The following VCAN variants were observed in gnomAD, a reference collection of about 807,000 sequenced individuals.
The protein encoded by VCAN is versican, also known as versican core protein.
VCAN carries 44 observed loss-of-function variants against 245.5 expected under a neutral mutation model. The observed-to-expected ratio is 0.18, with a 90% CI of 0.14 to 0.23. The LOEUF is 0.23. Ranked by LOEUF, VCAN falls within the 10% of genes least tolerant of loss-of-function variation. VCAN has a pLI of 1.00. For missense variants in VCAN, 3,793 were observed against 4,057.9 expected, an observed-to-expected ratio of 0.93 and a Z score of 1.77; for synonymous variants, 1,413 against 1,437.0, an observed-to-expected ratio of 0.98 and a Z score of 0.38.
intron 12 of VCAN, among the ~76,000 whole-genome samples, chr5:83,562,468 C>A (rs1747902765): frequency 2.0e-5 from 3 of 151,982 alleles, no homozygotes. Flanking sequence ...GCTGGAAGAA[C>A]CATATTTACT....
At chr5:83,532,746 T>C (rs1023102626) in intron 7 of VCAN, among the ~76,000 whole-genome samples, 1 of 152,198 alleles carries the variant, frequency 6.6e-6, no homozygotes, top group South Asian at 2.1e-4. Flanking sequence ...TTGCAAGTTG[T>C]CGCGAACTTA....
At chr5:83,476,795 G>T (rs1744409422) in intron 1 of VCAN, among the ~76,000 whole-genome samples, 1 of 152,024 alleles carries the variant, frequency 6.6e-6, no homozygotes, top group Non-Finnish European at 1.5e-5. Flanking sequence ...GAGAATCTTT[G>T]TTTAATGTGT....
rs150735474 is a variant in VCAN at position 83,519,764 on chromosome 5, G to T, written c.1458G>T (p.Ser486=). The change falls in exon 7 of 15, where the codon TCG becomes TCT. Residue 486 remains serine, a synonymous_variant. Coordinates refer to ENST00000265077, the MANE Select transcript of VCAN (RefSeq NM_004385.5). ...GVVEDKQTQE[S]VTQIEQIEVG... ...TGGAAGATAAACAAACACAAGAATC[G>T]GTTACACAGATTGAACAAATAGAAG... is the stretch of plus-strand genomic sequence containing the variant. The T allele has an allele frequency of 9.3e-6, 15 of 1,613,942 alleles. No homozygotes were observed. The highest frequency in any genetic ancestry group is 1.7e-5 in the Admixed American group (1 of 59,990).
At position 83,539,976 on chromosome 5, in the gene VCAN, G is replaced by C. The variant is rs1746901950; in HGVS notation, c.6973G>C (p.Gly2325Arg). 6.2e-7 allele frequency: 1 copy of C among 1,613,956 alleles called. No individual in the cohort carries two copies. Among genetic ancestry groups the C allele is most frequent in the Non-Finnish European group, 8.5e-7 (1 of 1,179,994 alleles). Residue 2325 changes from glycine (G) to arginine (R), a missense_variant, in exon 8 of 15, where the codon GGG becomes CGG. Physicochemically the swap from Gly to Arg is moderately radical, Grantham distance 125. Around this residue, in one of 5 missense-constraint regions of VCAN, gnomAD observed 3,182 missense variants for 3,250.3 expected, o/e 0.98. Coordinates refer to ENST00000265077, the MANE Select transcript of VCAN (RefSeq NM_004385.5). ...TCAAACAGACATCTTTGAAGGTAGTGGGTCAGTAACCAGCACAACATTAAT... is the reference window on the plus strand; with the variant it reads ...TCAAACAGACATCTTTGAAGGTAGTCGGTCAGTAACCAGCACAACATTAAT... ...VSQTDIFEGS[G>R]SVTSTTLIEI...
At chr5:83,519,247 A>G in intron 6 of VCAN, 102 bp from the exon 7 acceptor site, 2 of 1,271,634 alleles carry the variant, frequency 1.6e-6, no homozygotes, top group Non-Finnish European at 2.2e-6. Context: ...GGGCCACCCA[A>G]AAATACTCCC....
chr5:83,559,475 CT>C (rs1476195550), intron 12 of VCAN, among the ~76,000 whole-genome samples: 8 of 152,154 alleles, frequency 5.3e-5, no homozygotes, highest in Non-Finnish European at 1.0e-4. Flanking sequence ...CTCTCAGCTC[CT>C]GGAATAAGCC....
chr5:83,538,024 G>A lies in VCAN; in HGVS notation c.5021G>A (p.Ser1674Asn). The change falls in exon 8 of 15, where the codon AGC becomes AAC. Residue 1674 changes from serine (S) to asparagine (N), a missense_variant. Physicochemically the swap from Ser to Asn is conservative, Grantham distance 46. Coordinates refer to ENST00000265077, the MANE Select transcript of VCAN (RefSeq NM_004385.5). ...GATACACTCATTACTTTAGACACTAGCAGGATAATCACAGAAAGCTTTTTT... is the reference window on the plus strand; with the variant it reads ...GATACACTCATTACTTTAGACACTAACAGGATAATCACAGAAAGCTTTTTT... ...TTDTLITLDT[S>N]RIITESFFEV... 2 of 1,614,040 alleles carry A rather than the reference G, an allele frequency of 1.2e-6. No individual in the cohort carries two copies. The highest frequency in any genetic ancestry group is 1.7e-6 in the Non-Finnish European group (2 of 1,179,966).
chr5:83,580,111 C>A lies in VCAN; in HGVS notation c.10012C>A (p.Arg3338=). The A allele has an allele frequency of 6.2e-7, 1 of 1,613,982 alleles. No individual in the cohort carries two copies. The highest frequency in any genetic ancestry group is 8.5e-7 in the Non-Finnish European group (1 of 1,179,974). ...CATTCAACGTCACCTTCCAACTATC[C>A]GGTGCTTAGGAAATGGAAGATGGGC... ...GFIQRHLPTI[R]CLGNGRWAIP... is the part of the protein sequence containing the mutation. Residue 3338 remains arginine (R), a synonymous_variant, in exon 14 of 15, where the codon CGG becomes AGG. Coordinates refer to ENST00000265077, the MANE Select transcript of VCAN (RefSeq NM_004385.5).
intron 1 of VCAN, 64 bp downstream of exon 1, chr5:83,472,087 C>G (rs1353379378): frequency 4.0e-6 from 1 of 247,784 alleles, no homozygotes; most frequent in African/African-American, 2.2e-5. Context: ...GAAAAAAACC[C>G]GCGAGCTTAG....
In VCAN at chr5:83,553,627, A is replaced by T. The variant is rs932296085; in HGVS notation, c.9652+105A>T. ...GAAGTAGCTTTTTCAATCATAATAC[A>T]ACTTATCAAATCCCTCATCTGTGAA... On this transcript the variant is annotated intron_variant, in intron 11 of 14. Coordinates refer to ENST00000265077, the MANE Select transcript of VCAN (RefSeq NM_004385.5). 14 of 1,429,528 alleles carry T rather than the reference A, an allele frequency of 9.8e-6. No homozygotes were observed. In the African/African-American group the frequency reaches 2.0e-4, roughly 20 times the overall value. The allele number at this position is 1,429,528 out of a possible 1,614,324, so 88.6% of individuals were successfully genotyped here. A position where few individuals can be genotyped will look rare whatever the true frequency, so the allele number is the denominator to read the frequency against.
At chr5:83,565,061 C>G (rs897444077) in intron 12 of VCAN, among the ~76,000 whole-genome samples, 1 of 152,054 alleles carries the variant, frequency 6.6e-6, no homozygotes, top group African/African-American at 2.4e-5. Context: ...GTTACAGATT[C>G]AAGATTTGCC....
rs747673835 is a variant in VCAN at position 83,520,771 on chromosome 5, C to T, written c.2465C>T (p.Ala822Val). ...SKPLESTEPS[A>V]SSKLPPALLT... ...CCTTTAGAGTCTACAGAACCTTCAG[C>T]CTCTTCAAAATTGCCCCCTGCCTTA... Residue 822 changes from alanine to valine, a missense_variant, in exon 7 of 15, where the codon GCC (alanine) becomes GTC (valine). Ala to Val is a moderately conservative substitution (Grantham distance 64). This residue lies in a region of VCAN where 3,182 missense variants were observed against 3,250.3 expected (regional missense o/e 0.98). Transcript: ENST00000265077. 6.2e-7 allele frequency: 1 copy of T among 1,614,108 alleles called. No homozygotes were observed. Among genetic ancestry groups the T allele is most frequent in the South Asian group, 1.1e-5 (1 of 91,082 alleles).
chr5:83,478,100 G>A (rs1375868107), intron 1 of VCAN, among the ~76,000 whole-genome samples: 4 of 151,912 alleles, frequency 2.6e-5, no homozygotes, highest in Non-Finnish European at 5.9e-5. Flanking sequence ...CCACCACCAT[G>A]CTTGGCTAAT....
chr5:83,485,994 G>A (rs1744780989), intron 2 of VCAN, among the ~76,000 whole-genome samples: 1 of 152,028 alleles, frequency 6.6e-6, no homozygotes, highest in Non-Finnish European at 1.5e-5. Flanking sequence ...GCTTGGGCCT[G>A]TAGTAGCCCA....
In VCAN at chr5:83,542,107, C is replaced by G; in HGVS notation, c.9104C>G (p.Ala3035Gly). ...TIAASEQQVA[A>G]RILDSNDQAT... Reference sequence around the variant, plus strand: ...GCAGCATCAGAACAGCAAGTGGCAGCGAGAATTCTTGATTCCAATGATCAG... The same window carrying G: ...GCAGCATCAGAACAGCAAGTGGCAGGGAGAATTCTTGATTCCAATGATCAG... The change falls in exon 8 of 15, where the codon GCG (alanine) becomes GGG (glycine). Residue 3035 changes from alanine (A) to glycine (G), a missense_variant. Transcript: ENST00000265077. 6.2e-7 allele frequency: 1 copy of G among 1,614,026 alleles called. No homozygotes were observed. Among genetic ancestry groups the G allele is most frequent in the Non-Finnish European group, 8.5e-7 (1 of 1,179,970 alleles).
chr5:83,553,369 G>A lies in VCAN; in HGVS notation c.9499G>A (p.Glu3167Lys), dbSNP rs765392179. ...TCCTGCCTGTTTCTTCTCAGATACC[G>A]AGACATGTGACTATGGCTGGCACAA... ...YVGALCEQDT[E>K]TCDYGWHKFQ... The change falls in exon 11 of 15, where the codon GAG (glutamate) becomes AAG (lysine). Residue 3167 changes from glutamate (E) to lysine (K), a missense_variant. Physicochemically the swap from Glu to Lys is moderately conservative, Grantham distance 56 (BLOSUM62 1). Transcript: ENST00000265077. 1.2e-6 allele frequency: 2 copies of A among 1,613,848 alleles called. No individual in the cohort carries two copies. Among genetic ancestry groups the A allele is most frequent in the Non-Finnish European group, 8.5e-7 (1 of 1,179,960 alleles).
intron 2 of VCAN, among the ~76,000 whole-genome samples, chr5:83,484,001 C>T (rs1029667438): frequency 1.3e-5 from 2 of 152,128 alleles, no homozygotes; most frequent in African/African-American, 2.4e-5. Flanking sequence ...TGTTTTTGCC[C>T]TTAGTTCCTT....
intron 5 of VCAN, among the ~76,000 whole-genome samples, chr5:83,511,226 C>G (rs1414924365): frequency 1.3e-5 from 2 of 151,080 alleles, no homozygotes; most frequent in East Asian, 3.9e-4. Flanking sequence ...ACTGCAACCT[C>G]TGCCTCCCGG....
intron 5 of VCAN, among the ~76,000 whole-genome samples, chr5:83,498,398 G>A (rs1280128979): frequency 1.3e-5 from 2 of 152,142 alleles, no homozygotes; most frequent in Non-Finnish European, 2.9e-5. Context: ...TGCTCCATAG[G>A]TAGAGCTGAA....
Sources: gnomAD v4.1 joint callset for allele counts (sites outside exome capture counted in the v4.1 genomes callset) on GRCh38, gnomAD v4.1.1 for gene constraint, gnomAD v4.1.1 regional missense constraint, MANE v1.5 for transcripts, NCBI Gene and HGNC (gene_info 2026-07-23, HGNC 2026-07-21) for gene names.